Variants in CDHR3 observed in about 807,000 individuals in gnomAD.
CDHR3 encodes the protein cadherin related family member 3, also known as cadherin-related family member 3.
A neutral mutation model predicts 86.6 loss-of-function variants in CDHR3; 79 were observed. The observed-to-expected ratio is 0.91, with a 90% CI of 0.76 to 1.10. CDHR3 has a LOEUF of 1.10. CDHR3 is among the 50% of genes least tolerant of loss of function. The probability of loss-of-function intolerance (pLI) is 0.00; values close to 1 mark genes in which losing one functional copy is unlikely to be tolerated. For synonymous variants in CDHR3, 421 were observed against 402.4 expected, an observed-to-expected ratio of 1.05 and a Z score of -0.55; for missense variants, 1,081 against 1,077.6, an observed-to-expected ratio of 1.00 and a Z score of -0.04.
rs1838714388 is a variant in CDHR3 at position 106,034,097 on chromosome 7, C to T, written c.*1400C>T. Among the ~76,000 whole-genome samples, 1 of 152,240 alleles carries T rather than the reference C, an allele frequency of 6.6e-6. No individual in the cohort carries two copies. The highest frequency in any genetic ancestry group is 2.4e-5 in the African/African-American group (1 of 41,468). Reference sequence around the variant, plus strand: ...TCCCACTTCCTATGATTGGAAGGAACTGCAGGACTCTGAGTGGGGACATAC... The same window carrying T: ...TCCCACTTCCTATGATTGGAAGGAATTGCAGGACTCTGAGTGGGGACATAC... On this transcript the variant is annotated 3_prime_UTR_variant, in exon 19 of 19. Transcript: ENST00000317716.
chr7:105,969,057 C>CA (rs1424208254), intron 1 of CDHR3, among the ~76,000 whole-genome samples: 2 of 150,308 alleles, frequency 1.3e-5, no homozygotes, highest in Admixed American at 6.7e-5. Context: ...CACTGCACTC[C>CA]AGCCCGGGGG....
intron 6 of CDHR3, among the ~76,000 whole-genome samples, chr7:106,000,628 A>G (rs111745039): frequency 6.6e-6 from 1 of 152,234 alleles, no homozygotes; most frequent in African/African-American, 2.4e-5. Flanking sequence ...GTTTTAAACA[A>G]TAAGCCTCCC....
chr7:105,985,363 C>T (rs1175425210), intron 4 of CDHR3, among the ~76,000 whole-genome samples: 1 of 152,138 alleles, frequency 6.6e-6, no homozygotes, highest in Non-Finnish European at 1.5e-5. Context: ...CAAAGCGAAT[C>T]CCACCCCACT....
At position 106,024,486 on chromosome 7, in the gene CDHR3, G is replaced by A. The variant is rs773773459; in HGVS notation, c.2182G>A (p.Val728Met). The change falls in exon 15 of 19, where the codon GTG becomes ATG. Residue 728 changes from valine (V) to methionine (M), a missense_variant. Val to Met is a conservative substitution (Grantham distance 21). Coordinates refer to ENST00000317716, the MANE Select transcript of CDHR3 (RefSeq NM_152750.5). ...LGSILLLGLL[V>M]YLVVLLAKAI... ...CTCCATATTGCTTCTGGGTCTCCTC[G>A]TGTACCTGGTCGTCCTATTGGCCAA... The A allele has an allele frequency of 9.9e-6, 16 of 1,613,914 alleles. No individual in the cohort carries two copies. The highest frequency in any genetic ancestry group is 1.4e-5 in the Non-Finnish European group (16 of 1,179,910).
intron 2 of CDHR3, among the ~76,000 whole-genome samples, chr7:105,975,735 T>C (rs998014161): frequency 5.9e-5 from 9 of 152,184 alleles, no homozygotes; most frequent in Non-Finnish European, 1.3e-4. Context: ...TAGGGTCCCA[T>C]GTCTGGATCT....
intron 9 of CDHR3, among the ~76,000 whole-genome samples, chr7:106,014,309 C>T (rs563094414): frequency 2.8e-4 from 42 of 152,240 alleles, no homozygotes; most frequent in Middle Eastern, 3.4e-3. Flanking sequence ...AGTGAATGCT[C>T]GAAACCACAG....
At chr7:105,990,608 A>G (rs1831209642) in intron 4 of CDHR3, among the ~76,000 whole-genome samples, 1 of 151,846 alleles carries the variant, frequency 6.6e-6, no homozygotes, top group South Asian at 2.1e-4. Context: ...AGCCATTGAC[A>G]CTCCCTGGAT....
In CDHR3 at chr7:106,028,463, T is replaced by C. The variant is rs747323313; in HGVS notation, c.2273-88T>C. On this transcript the variant is annotated intron_variant, in intron 16 of 18. Transcript: ENST00000317716. ...TCTGCAAGACTGAGATCGAAGCCTA[T>C]TTAGGGGAAATACCGTTGTGGAGGT... 44 of 1,402,852 alleles carry C rather than the reference T, an allele frequency of 3.1e-5. No individual in the cohort carries two copies. The East Asian group carries it at 4.2e-4, about 13-fold the overall frequency. 86.9% of individuals were successfully genotyped at this position (1,402,852 alleles called of 1,614,324 possible).
intron 8 of CDHR3, among the ~76,000 whole-genome samples, chr7:106,007,669 A>G (rs1360953239): frequency 1.3e-5 from 2 of 152,236 alleles, no homozygotes; most frequent in African/African-American, 4.8e-5. Flanking sequence ...TTAATTGTCC[A>G]TATCATGAAC....
chr7:105,971,242 G>A (rs1432902676), intron 1 of CDHR3, among the ~76,000 whole-genome samples: 1 of 152,052 alleles, frequency 6.6e-6, no homozygotes, highest in African/African-American at 2.4e-5. Flanking sequence ...AAAGTTTTAA[G>A]GATTCATTTG....
At chr7:105,997,273 C>T (rs1033450949) in intron 6 of CDHR3, among the ~76,000 whole-genome samples, 5 of 152,334 alleles carry the variant, frequency 3.3e-5, no homozygotes, top group Admixed American at 2.6e-4. Context: ...TGCCACTTGG[C>T]AAACACCACA....
chr7:106,003,667 C>T (rs1034377998), intron 7 of CDHR3, among the ~76,000 whole-genome samples: 1 of 152,100 alleles, frequency 6.6e-6, no homozygotes, highest in Non-Finnish European at 1.5e-5. Context: ...CTTTATAAGT[C>T]CTGATTGCAT....
chr7:106,001,075 T>A (rs1833094437), intron 6 of CDHR3, among the ~76,000 whole-genome samples: 1 of 152,100 alleles, frequency 6.6e-6, no homozygotes. Flanking sequence ...CACAGTGATA[T>A]CTAAAAGAAT....
At position 106,024,558 on chromosome 7, in the gene CDHR3, C is replaced by CCT; in HGVS notation, c.2257_2258dup (p.Thr754Ter). 1 of 1,613,932 alleles carries CCT rather than the reference C, an allele frequency of 6.2e-7. No homozygotes were observed. Among genetic ancestry groups the CCT allele is most frequent in the South Asian group, 1.1e-5 (1 of 91,084 alleles). On this transcript the variant is annotated frameshift_variant, in exon 15 of 19. Transcript: ENST00000317716. LOFTEE classifies it high-confidence loss of function. ...CTGCAAGACTGGGAAGAACAAGGAA[C>CCT]CTCTGTAAGTTGCCAGTGGGCTGGG... is the stretch of plus-strand genomic sequence containing the variant.
At chr7:105,988,120 G>T (rs1286662089) in intron 4 of CDHR3, among the ~76,000 whole-genome samples, 1 of 152,132 alleles carries the variant, frequency 6.6e-6, no homozygotes, top group Non-Finnish European at 1.5e-5. Flanking sequence ...AACTCTTGGG[G>T]TCAAGCCATC....
In CDHR3 at chr7:105,965,574, C is replaced by CA. The variant is rs1554507779; in HGVS notation, c.46+2210_46+2211insA. ...AGGCCCAACTCAAGCCCCACCCCCC[C>CA]CCATGGAGTCTTCCTGGATTGACCT... On this transcript the variant is annotated intron_variant, in intron 1 of 18. Transcript: ENST00000317716. 4.1e-5 allele frequency among the ~76,000 whole-genome samples: 5 copies of CA among 121,654 alleles called. 1 individual carries two copies. The highest frequency in any genetic ancestry group is 5.5e-5 in the African/African-American group (2 of 36,460). The allele number at this position is 121,654 out of a possible 152,430, so 79.8% of individuals were successfully genotyped here. A position where few individuals can be genotyped will look rare whatever the true frequency, so the allele number is the denominator to read the frequency against.
At chr7:106,017,311 CT>C (rs1835782268) in intron 11 of CDHR3, among the ~76,000 whole-genome samples, 1 of 152,086 alleles carries the variant, frequency 6.6e-6, no homozygotes, top group Non-Finnish European at 1.5e-5. Context: ...AATCCTAGCA[CT>C]TTGGGAGGCC....
chr7:105,971,547 G>C (rs760250574), intron 1 of CDHR3, among the ~76,000 whole-genome samples: 7 of 152,154 alleles, frequency 4.6e-5, no homozygotes, highest in Non-Finnish European at 1.0e-4. Context: ...GCCTAGGATT[G>C]GAATGCTGGA....
rs938007463 is a variant in CDHR3, at chr7:106,025,988, G to T, written c.2259-694G>T. On this transcript the variant is annotated intron_variant, in intron 15 of 18. Coordinates refer to ENST00000317716, the MANE Select transcript of CDHR3 (RefSeq NM_152750.5). Reference sequence around the variant, plus strand: ...ATCCAATAGACACTGCAACTCTCATGTAATTTATGGCTAAACGTTAAATAT... The same window carrying T: ...ATCCAATAGACACTGCAACTCTCATTTAATTTATGGCTAAACGTTAAATAT... Among the ~76,000 whole-genome samples the T allele has an allele frequency of 2.6e-5, 4 of 152,188 alleles. No homozygotes were observed. In the South Asian group the frequency reaches 8.3e-4, roughly 32 times the overall value.
Sources: allele counts gnomAD v4.1 joint callset (sites outside exome capture counted in the v4.1 genomes callset), GRCh38; gene constraint gnomAD v4.1.1; transcripts MANE v1.5; gene names NCBI Gene and HGNC (gene_info 2026-07-23, HGNC 2026-07-21).